Variants in MKNK1 observed in about 807,000 individuals in gnomAD.
The protein encoded by MKNK1 is MAP kinase-interacting serine/threonine-protein kinase 1.
In MKNK1, 30 loss-of-function variants were observed where a neutral mutation model predicts 49.3. The ratio of observed to expected loss-of-function variants is 0.61; its 90% CI spans 0.46 to 0.83. The LOEUF (loss-of-function observed/expected upper bound fraction) is 0.83. Among genes scored for constraint, MKNK1 ranks in the 40% least tolerant of loss-of-function variants. The pLI is 0.00. For missense variants in MKNK1, 423 were observed against 524.7 expected (o/e 0.81, Z 1.89); for synonymous variants, 176 against 201.7 (o/e 0.87, Z 1.08).
At chr1:46,564,496 G>T (rs1668704208) in intron 9 of MKNK1, among the ~76,000 whole-genome samples, 3 of 27,142 alleles carry the variant, frequency 1.1e-4, no homozygotes, top group East Asian at 1.0e-3. Flanking sequence ...TTTTTTTTGA[G>T]ACGGAGTTTT....
intron 4 of MKNK1, among the ~76,000 whole-genome samples, chr1:46,577,528 T>C (rs1208601168): frequency 2.0e-5 from 3 of 152,156 alleles, no homozygotes; most frequent in Non-Finnish European, 4.4e-5. Flanking sequence ...TTTATTTACA[T>C]AATCTCAGTT....
chr1:46,602,166 C>T (rs758534513), intron 1 of MKNK1, among the ~76,000 whole-genome samples: 2 of 152,220 alleles, frequency 1.3e-5, no homozygotes, highest in Non-Finnish European at 2.9e-5. Flanking sequence ...AGTACCAGCA[C>T]TTTGGGAGGC....
At chr1:46,590,555 T>C (rs764803) in intron 2 of MKNK1, among the ~76,000 whole-genome samples, 46,680 of 152,120 alleles carry the variant, frequency 0.31, 7,153 homozygotes, top group Admixed American at 0.38. Context: ...TCGCATAGCT[T>C]GTAAGTGGCA....
In MKNK1 at chr1:46,576,456, T is replaced by C. The variant is rs1670971463; in HGVS notation, c.278+119A>G. 5.0e-6 allele frequency: 4 copies of C among 802,256 alleles called. No homozygotes were observed. In the East Asian group the frequency reaches 7.7e-5, roughly 15 times the overall value. 49.7% of individuals were successfully genotyped at this position (802,256 alleles called of 1,614,324 possible). A position where few individuals can be genotyped will look rare whatever the true frequency, so the allele number is the denominator to read the frequency against. Reference sequence around the variant, plus strand: ...ACTGAAAGGGGCGGAAGGAGGTACCTGCCTTGTGGGGACAGGAGTGAGAGC... The same window carrying C: ...ACTGAAAGGGGCGGAAGGAGGTACCCGCCTTGTGGGGACAGGAGTGAGAGC... On this transcript the variant is annotated intron_variant, in intron 5 of 12. Coordinates refer to ENST00000371945, the MANE Select transcript of MKNK1 (RefSeq NM_001135553.4).
At chr1:46,587,960 G>A (rs1236759818) in intron 2 of MKNK1, among the ~76,000 whole-genome samples, 4 of 152,134 alleles carry the variant, frequency 2.6e-5, no homozygotes, top group African/African-American at 4.8e-5. Flanking sequence ...CTGCTAATAC[G>A]CTACAATTTT....
chr1:46,557,511 A>T lies in MKNK1; in HGVS notation c.*1064T>A, dbSNP rs552543655. The T allele has an allele frequency of 7.2e-5, 11 of 152,662 alleles. No individual in the cohort carries two copies. Among genetic ancestry groups the T allele is most frequent in the Admixed American group, 2.0e-4 (3 of 15,274 alleles). The allele number at this position is 152,662 out of a possible 1,614,324, so 9.5% of individuals were successfully genotyped here. On this transcript the variant is annotated 3_prime_UTR_variant, in exon 13 of 13. Transcript: ENST00000371945. ...TGACAAATGCAAATCTATTTTCTTT[A>T]TGTAACTCAATAGTTCCACTTATCT...
At chr1:46,577,892 GCA>G (rs1671213355) in intron 4 of MKNK1, among the ~76,000 whole-genome samples, 1 of 152,228 alleles carries the variant, frequency 6.6e-6, no homozygotes, top group East Asian at 1.9e-4. Context: ...GCTCCAACGT[GCA>G]CAGTGGGCAG....
At chr1:46,571,771 C>G (rs1465752912) in intron 7 of MKNK1, among the ~76,000 whole-genome samples, 2 of 152,202 alleles carry the variant, frequency 1.3e-5, no homozygotes, top group Non-Finnish European at 2.9e-5. Flanking sequence ...CATCCACACA[C>G]AGTCACACAT....
At chr1:46,568,121 C>CAA (rs10711362) in intron 8 of MKNK1, 107 of 142,922 alleles carry the variant, frequency 7.5e-4, no homozygotes, top group Middle Eastern at 2.8e-3. Flanking sequence ...GACCCCGTCT[C>CAA]AAAAAAAAAA....
chr1:46,600,339 A>G (rs1674579053), intron 1 of MKNK1, among the ~76,000 whole-genome samples: 1 of 152,240 alleles, frequency 6.6e-6, no homozygotes, highest in Admixed American at 6.5e-5. Flanking sequence ...GGTCTTGTAC[A>G]TAGCAAGAGC....
chr1:46,595,053 G>C, intron 1 of MKNK1: 1 of 172,576 alleles, frequency 5.8e-6, no homozygotes, highest in South Asian at 8.5e-5. Context: ...AGTCTCACAG[G>C]CAAGAGGAAA....
chr1:46,582,987 A>G (rs1312991191), intron 3 of MKNK1: 1 of 657,130 alleles, frequency 1.5e-6, no homozygotes, highest in Non-Finnish European at 2.8e-6. Flanking sequence ...CCTGAAAAGG[A>G]AGCAGTACCT....
At position 46,558,499 on chromosome 1, in the gene MKNK1, C is replaced by A; in HGVS notation, c.*76G>T. The A allele has an allele frequency of 7.1e-7, 1 of 1,415,388 alleles. No individual in the cohort carries two copies. Among genetic ancestry groups the A allele is most frequent in the Non-Finnish European group, 9.5e-7 (1 of 1,054,120 alleles). 87.7% of individuals were successfully genotyped at this position (1,415,388 alleles called of 1,614,324 possible). A position where few individuals can be genotyped will look rare whatever the true frequency, so the allele number is the denominator to read the frequency against. ...AGAGCAGAGGCTGCTGCCTGCTCAG[C>A]AGACTTTAGCCACACAGGTTTCCAG... On this transcript the variant is annotated 3_prime_UTR_variant, in exon 13 of 13. Coordinates refer to ENST00000371945, the MANE Select transcript of MKNK1 (RefSeq NM_001135553.4).
chr1:46,603,784 T>C (rs904011008), intron 1 of MKNK1, among the ~76,000 whole-genome samples: 5 of 152,224 alleles, frequency 3.3e-5, no homozygotes, highest in Admixed American at 2.6e-4. Flanking sequence ...CAGGAGCCTT[T>C]AAATACTGAA....
intron 4 of MKNK1, 121 bp from the exon 5 acceptor site, chr1:46,576,775 T>C (rs1671028156): frequency 1.2e-6 from 1 of 857,758 alleles, no homozygotes; most frequent in African/African-American, 1.7e-5. Context: ...AGCAGAAGTC[T>C]GGCCTAGGCC....
At chr1:46,597,427 G>A (rs949378225) in intron 1 of MKNK1, among the ~76,000 whole-genome samples, 3 of 152,040 alleles carry the variant, frequency 2.0e-5, no homozygotes, top group Non-Finnish European at 4.4e-5. Context: ...GGTCCAAAAA[G>A]CCAGATCTCG....
intron 2 of MKNK1, among the ~76,000 whole-genome samples, chr1:46,591,462 C>T (rs1369732892): frequency 6.6e-6 from 1 of 152,136 alleles, no homozygotes; most frequent in Non-Finnish European, 1.5e-5. Context: ...GGATCACAGG[C>T]AGCCTTCAGA....
intron 8 of MKNK1, among the ~76,000 whole-genome samples, chr1:46,566,559 G>A (rs751915791): frequency 3.9e-5 from 6 of 152,184 alleles, no homozygotes; most frequent in African/African-American, 7.2e-5. Flanking sequence ...TTGAGGAACC[G>A]CCAAACTTTT....
Position 46,585,954 on chromosome 1 carries a change from C to T in MKNK1, c.-2-2625G>A, listed in dbSNP as rs746622616. ...GTTAAGACTTTCCTTGGAAATGGAACTTGGAGAGTTGTTTCTGAAACTAGG... is the reference window on the plus strand; with the variant it reads ...GTTAAGACTTTCCTTGGAAATGGAATTTGGAGAGTTGTTTCTGAAACTAGG... On this transcript the variant is annotated intron_variant, in intron 2 of 12. Transcript: ENST00000371945. 2.2e-6 allele frequency: 3 copies of T among 1,364,392 alleles called. No individual in the cohort carries two copies. In the African/African-American group the frequency reaches 4.4e-5, roughly 20 times the overall value. 84.5% of individuals were successfully genotyped at this position (1,364,392 alleles called of 1,614,324 possible).
Sources: allele counts gnomAD v4.1 joint callset (sites outside exome capture counted in the v4.1 genomes callset), GRCh38; gene constraint gnomAD v4.1.1; transcripts MANE v1.5; gene names NCBI Gene and HGNC (gene_info 2026-07-23, HGNC 2026-07-21).